Variants in DDX3X observed in about 807,000 individuals in gnomAD.
DDX3X encodes the protein DEAD-box helicase 3 X-linked.
Under a neutral mutation model 52.7 loss-of-function variants are expected in DDX3X, and 4 were observed. The ratio of observed to expected loss-of-function variants is 0.08; its 90% CI spans 0.04 to 0.17. The LOEUF (loss-of-function observed/expected upper bound fraction) is 0.17, where lower values mean the gene tolerates loss of function less well. DDX3X is among the 10% of genes least tolerant of loss of function. The probability of loss-of-function intolerance (pLI) is 1.00; values close to 1 mark genes in which losing one functional copy is unlikely to be tolerated. For synonymous variants in DDX3X, 192 were observed against 178.1 expected (o/e 1.08, Z -0.62); for missense variants, 222 against 548.6 (o/e 0.40, Z 5.95).
intron 4 of DDX3X, chrX:41,342,169 A>G: frequency 5.1e-6 from 1 of 195,116 alleles, no homozygotes; most frequent in Non-Finnish European, 9.4e-6. Context: ...TTTCCCTACC[A>G]TTAAATATAT....
chrX:41,338,331 T>A (rs2063800425), intron 2 of DDX3X: 1 of 112,106 alleles, frequency 8.9e-6, no homozygotes, highest in Non-Finnish European at 1.9e-5. Flanking sequence ...TTATTTGTCA[T>A]GCTAAGAATC....
At chrX:41,345,732 G>A (rs2063914800) in intron 12 of DDX3X, 184 bp downstream of exon 12, 2 of 420,875 alleles carry the variant, frequency 4.8e-6, no homozygotes, top group South Asian at 4.4e-5. Flanking sequence ...CCTTGCTTCC[G>A]GGAGGTTACC....
intron 12 of DDX3X, 120 bp from the exon 13 acceptor site, chrX:41,346,109 A>C (rs2063919983): frequency 1.7e-6 from 1 of 606,032 alleles, no homozygotes; most frequent in Non-Finnish European, 2.5e-6. Context: ...TGCTGTGTTG[A>C]AAGCCCGTTT....
At position 41,347,031 on chromosome X, in the gene DDX3X, A is replaced by T. The variant is rs1395352112; in HGVS notation, c.1769+19A>T. ...CTAAGAGGTGAGGTATAAATAGTAT[A>T]TAATGAGGGGAATGGGTGTTCACTT... On this transcript the variant is annotated intron_variant, in intron 15 of 16. Coordinates refer to ENST00000644876, the MANE Select transcript of DDX3X (RefSeq NM_001356.5). 1 of 1,184,290 alleles carries T rather than the reference A, an allele frequency of 8.4e-7. No homozygotes were observed. The highest frequency in any genetic ancestry group is 1.8e-5 in the African/African-American group (1 of 56,371).
intron 5 of DDX3X, among the ~76,000 whole-genome samples, chrX:41,358,665 T>C (rs771104144): frequency 1.6e-4 from 18 of 112,220 alleles, no homozygotes; most frequent in Non-Finnish European, 3.2e-4. Context: ...GTTCTTTAAT[T>C]GGAACACTCT....
intron 14 of DDX3X, 113 bp from the exon 15 acceptor site, chrX:41,346,746 G>C: frequency 2.1e-6 from 2 of 960,294 alleles, no homozygotes; most frequent in East Asian, 6.1e-5. Flanking sequence ...CAAAGCACTT[G>C]TTTAAATATT....
intron 4 of DDX3X, 74 bp downstream of exon 4, chrX:41,341,690 T>C (rs1390055518): frequency 2.0e-6 from 2 of 999,297 alleles, no homozygotes; most frequent in Non-Finnish European, 2.8e-6. Flanking sequence ...ACCACCTGTT[T>C]GGATGTTAAG....
At chrX:41,352,097 C>T (rs1359859028), downstream of DDX3X, among the ~76,000 whole-genome samples, 1 of 109,668 alleles carries the variant, frequency 9.1e-6, no homozygotes, top group East Asian at 2.9e-4. Flanking sequence ...AAAAATGTCC[C>T]TCAACTGACA....
At chrX:41,346,028 A>G (rs1017529221) in intron 12 of DDX3X, among the ~76,000 whole-genome samples, 3 of 111,247 alleles carry the variant, frequency 2.7e-5, no homozygotes, top group Non-Finnish European at 5.7e-5. Flanking sequence ...AGCCTGGGCA[A>G]TTTAGTGAGA....
chrX:41,350,982 C>G (rs1247918010), downstream of DDX3X: 1 of 111,852 alleles, frequency 8.9e-6, no homozygotes, highest in African/African-American at 3.2e-5. Flanking sequence ...GATAATCTTT[C>G]CAGTCATGAA....
intron 12 of DDX3X, chrX:41,345,844 C>T (rs2063916527): frequency 2.6e-5 from 7 of 269,960 alleles, no homozygotes; most frequent in Non-Finnish European, 4.5e-5. Context: ...TCCAGAGTAG[C>T]TGGGACTACA....
At position 41,334,214 on chromosome X, in the gene DDX3X, T is replaced by G. The variant is rs889233774; in HGVS notation, c.-39T>G. 11 of 1,188,290 alleles carry G rather than the reference T, an allele frequency of 9.3e-6. No individual in the cohort carries two copies. In the Admixed American group the frequency reaches 2.2e-4, roughly 24 times the overall value. The stretch of plus-strand genomic sequence containing the variant: ...CTTCGCGGTGGAACAAACACTCGCT[T>G]AGCAGCGGAAGACTCCGAGTTCTCG... On this transcript the variant is annotated 5_prime_UTR_variant, in exon 1 of 17. Coordinates refer to ENST00000644876, the MANE Select transcript of DDX3X (RefSeq NM_001356.5).
In DDX3X at chrX:41,342,405, CTT is replaced by C. The variant is rs752966477; in HGVS notation, c.285-89_285-88del. On this transcript the variant is annotated intron_variant, in intron 4 of 16. Transcript: ENST00000644876. ...TTGACATCCTTATGGTTAGCCATAACTTAAGTCTCCAGATACAGTTCTAGAGT... is the reference window on the plus strand; with the variant it reads ...TTGACATCCTTATGGTTAGCCATAACAAGTCTCCAGATACAGTTCTAGAGT... The C allele has an allele frequency of 6.6e-4, 679 of 1,028,738 alleles. 3 individuals carry two copies. Among genetic ancestry groups the C allele is most frequent in the Non-Finnish European group, 7.5e-4 (559 of 747,574 alleles). The allele number at this position is 1,028,738 out of a possible 1,213,427, so 84.8% of individuals were successfully genotyped here.
chrX:41,337,392 T>C lies in DDX3X; in HGVS notation c.46-16T>C, dbSNP rs1260234518. On this transcript the variant is annotated splice_polypyrimidine_tract_variant and intron_variant, in intron 1 of 16. Coordinates refer to ENST00000644876, the MANE Select transcript of DDX3X (RefSeq NM_001356.5). ...ATTTGAGCACATGGGGTGCTAACCA[T>C]CTCACTCTCTTCTAGTTTGCTGGCC... The C allele has an allele frequency of 8.3e-7, 1 of 1,202,851 alleles. No homozygotes were observed. The highest frequency in any genetic ancestry group is 2.2e-5 in the Admixed American group (1 of 45,680).
chrX:41,354,699 CTGTT>C (rs1177779651), downstream of DDX3X, among the ~76,000 whole-genome samples: 2 of 111,225 alleles, frequency 1.8e-5, no homozygotes, highest in Non-Finnish European at 3.8e-5. Context: ...AACTACTTGT[CTGTT>C]TAACATCTCT....
chrX:41,345,376 GTAA>G lies in DDX3X; in HGVS notation c.1171-21_1171-19del, dbSNP rs1161354448. On this transcript the variant is annotated intron_variant, in intron 11 of 16. Coordinates refer to ENST00000644876, the MANE Select transcript of DDX3X (RefSeq NM_001356.5). ...TTATTTAGAAATTTGTTTATCTCAG[GTAA>G]TAATAAAAATTTTTTTTCTTTCAGA... The G allele has an allele frequency of 5.9e-6, 7 of 1,195,532 alleles. No individual in the cohort carries two copies. The East Asian group carries it at 8.9e-5, about 15-fold the overall frequency.
chrX:41,342,874 G>T, intron 6 of DDX3X, 38 bp downstream of exon 6: 3 of 1,068,008 alleles, frequency 2.8e-6, no homozygotes, highest in East Asian at 3.0e-5. Flanking sequence ...ACACAGAGAG[G>T]TTAAATGTTT....
At position 41,334,247 on chromosome X, in the gene DDX3X, T is replaced by C. The variant is rs1236071932; in HGVS notation, c.-6T>C. ...GAAGACTCCGAGTTCTCGGTACTCT[T>C]CAGGGATGAGTCATGTGGCAGTGGA... is the stretch of plus-strand genomic sequence containing the variant. On this transcript the variant is annotated 5_prime_UTR_variant, in exon 1 of 17. Coordinates refer to ENST00000644876, the MANE Select transcript of DDX3X (RefSeq NM_001356.5). The C allele has an allele frequency of 8.3e-7, 1 of 1,208,901 alleles. No homozygotes were observed. The highest frequency in any genetic ancestry group is 1.1e-6 in the Non-Finnish European group (1 of 894,207).
chrX:41,355,037 T>G (rs1360078771), downstream of DDX3X, among the ~76,000 whole-genome samples: 3 of 111,080 alleles, frequency 2.7e-5, no homozygotes, highest in African/African-American at 9.8e-5. Context: ...GCCAGGCTGG[T>G]CTCGAAGTCC....
Sources: allele counts gnomAD v4.1 joint callset (sites outside exome capture counted in the v4.1 genomes callset), GRCh38; gene constraint gnomAD v4.1.1; transcripts MANE v1.5; gene names NCBI Gene and HGNC (gene_info 2026-07-23, HGNC 2026-07-21).